The following HPSE2 variants were observed in gnomAD, a reference collection of about 807,000 sequenced individuals.
HPSE2 encodes inactive heparanase-2.
Under a neutral mutation model 60.5 loss-of-function variants are expected in HPSE2, and 38 were observed. The ratio of observed to expected loss-of-function variants is 0.63; its 90% confidence interval spans 0.48 to 0.82. HPSE2 has a LOEUF of 0.82. Ranked by LOEUF, HPSE2 falls within the 40% of genes least tolerant of loss-of-function variation. The pLI, the probability that HPSE2 is intolerant of heterozygous loss-of-function variation, is 0.00. For synonymous variants in HPSE2, 295 were observed against 293.2 expected (o/e 1.01, Z -0.06); for missense variants, 713 against 740.4 (o/e 0.96, Z 0.43).
intron 9 of HPSE2, among the ~76,000 whole-genome samples, chr10:98,579,167 C>T (rs1944722273): frequency 6.6e-6 from 1 of 152,108 alleles, no homozygotes; most frequent in African/African-American, 2.4e-5. Context: ...GCATCAGCAG[C>T]TCTGATGCAG....
intron 8 of HPSE2, among the ~76,000 whole-genome samples, chr10:98,620,028 G>A (rs1471643783): frequency 1.3e-5 from 2 of 152,162 alleles, no homozygotes; most frequent in Non-Finnish European, 2.9e-5. Flanking sequence ...ATCCGTAAAT[G>A]GGATAATAAC....
chr10:99,147,679 T>A (rs1846105504), intron 2 of HPSE2, among the ~76,000 whole-genome samples: 1 of 152,118 alleles, frequency 6.6e-6, no homozygotes, highest in Non-Finnish European at 1.5e-5. Flanking sequence ...TCAAAAATGT[T>A]TAGGGAAAAA....
chr10:98,475,148 C>G (rs559171182), intron 11 of HPSE2, among the ~76,000 whole-genome samples: 1 of 146,850 alleles, frequency 6.8e-6, no homozygotes, highest in Admixed American at 6.9e-5. Context: ...GACGGAGTCT[C>G]GCTCTGTCGC....
At chr10:98,731,331 AAAT>A (rs1258152946) in intron 4 of HPSE2, among the ~76,000 whole-genome samples, 1 of 152,256 alleles carries the variant, frequency 6.6e-6, no homozygotes. Flanking sequence ...AACTACAGAC[AAAT>A]ATTCCTCATA....
intron 4 of HPSE2, among the ~76,000 whole-genome samples, chr10:98,726,248 A>C (rs1410264026): frequency 6.6e-6 from 1 of 152,168 alleles, no homozygotes; most frequent in Non-Finnish European, 1.5e-5. Flanking sequence ...ATGTCCAACA[A>C]TGATAGAGTG....
rs1054446126 is a variant in HPSE2 at position 98,934,970 on chromosome 10, T to A, written c.611-190914A>T. Among the ~76,000 whole-genome samples the A allele has an allele frequency of 4.9e-5, 7 of 142,640 alleles. 1 individual carries two copies. Among genetic ancestry groups the A allele is most frequent in the Non-Finnish European group, 8.9e-5 (6 of 67,076 alleles). The allele number at this position is 142,640 out of a possible 152,430, so 93.6% of individuals were successfully genotyped here. On this transcript the variant is annotated intron_variant, in intron 3 of 11. Transcript: ENST00000370552. ...ACACAGTCCCATAATTCTCAAAGGT[T>A]TTGTTTGTTCCTTTTCATTGTTTAT...
intron 9 of HPSE2, among the ~76,000 whole-genome samples, chr10:98,585,779 CTG>C (rs1944922969): frequency 6.6e-6 from 1 of 151,328 alleles, no homozygotes; most frequent in Admixed American, 6.6e-5. Context: ...TGGTGAAACC[CTG>C]TCTCTACTAA....
intron 3 of HPSE2, among the ~76,000 whole-genome samples, chr10:98,910,989 C>T (rs1283842379): frequency 6.6e-6 from 1 of 151,648 alleles, no homozygotes; most frequent in African/African-American, 2.4e-5. Context: ...TGATGAAGAA[C>T]ATAAAAAATC....
At chr10:98,771,584 C>A (rs1308430856) in intron 3 of HPSE2, among the ~76,000 whole-genome samples, 6 of 152,136 alleles carry the variant, frequency 3.9e-5, no homozygotes, top group Non-Finnish European at 7.4e-5. Flanking sequence ...GACTATGTAG[C>A]CAGGAGTTAT....
the HPSE2 span, among the ~76,000 whole-genome samples, chr10:99,271,698 A>G: frequency 6.6e-6 from 1 of 152,360 alleles, no homozygotes; most frequent in South Asian, 2.1e-4. Context: ...AGCAAGGCTA[A>G]GCAAAAAGAA....
chr10:98,507,775 C>T (rs1942251574), intron 9 of HPSE2, among the ~76,000 whole-genome samples: 1 of 152,046 alleles, frequency 6.6e-6, no homozygotes, highest in South Asian at 2.1e-4. Context: ...CTCTTCTTTC[C>T]TTCCCTTCTT....
In HPSE2 at chr10:98,526,008, C is replaced by T. The variant is rs774586768; in HGVS notation, c.1321-35812G>A. On this transcript the variant is annotated intron_variant, in intron 9 of 11. Transcript: ENST00000370552. ...GCATTGTCTAAGATGTATTTCCCAA[C>T]GTTACATATACCCTCGTTACTCTGT... Among the ~76,000 whole-genome samples, 12 of 152,318 alleles carry T rather than the reference C, an allele frequency of 7.9e-5. 1 individual carries two copies. The South Asian group carries it at 8.3e-4, about 11-fold the overall frequency.
intron 9 of HPSE2, among the ~76,000 whole-genome samples, chr10:98,581,232 A>G (rs1471945216): frequency 1.3e-5 from 2 of 152,114 alleles, no homozygotes; most frequent in Admixed American, 1.3e-4. Flanking sequence ...TATTTTTTAT[A>G]TTAAAATATT....
chr10:98,467,765 G>C (rs1940603895), intron 11 of HPSE2, among the ~76,000 whole-genome samples: 1 of 152,248 alleles, frequency 6.6e-6, no homozygotes, highest in African/African-American at 2.4e-5. Flanking sequence ...CCTCCCGGAG[G>C]AACAAATCAC....
At chr10:99,172,433 C>T (rs181063014) in intron 2 of HPSE2, among the ~76,000 whole-genome samples, 7 of 152,192 alleles carry the variant, frequency 4.6e-5, no homozygotes, top group Non-Finnish European at 5.9e-5. Flanking sequence ...TCAATTCAAA[C>T]GAACACATCA....
the HPSE2 span, among the ~76,000 whole-genome samples, chr10:99,268,231 T>G: frequency 1.9e-4 from 29 of 152,316 alleles, no homozygotes; most frequent in African/African-American, 6.5e-4. Context: ...TACAGCCTGT[T>G]TCAACAAACA....
At position 98,482,840 on chromosome 10, in the gene HPSE2, T is replaced by C. The variant is rs1292938517; in HGVS notation, c.1467-58A>G. The C allele has an allele frequency of 2.6e-6, 4 of 1,566,938 alleles. No individual in the cohort carries two copies. In the African/African-American group the frequency reaches 4.1e-5, roughly 16 times the overall value. On this transcript the variant is annotated intron_variant, in intron 10 of 11. Transcript: ENST00000370552. ...GGAAACAAAGTGGTCAGTTAGATGCTTCTAAATAATTTATAGACTGTACAA... is the reference window on the plus strand; with the variant it reads ...GGAAACAAAGTGGTCAGTTAGATGCCTCTAAATAATTTATAGACTGTACAA...
intron 9 of HPSE2, among the ~76,000 whole-genome samples, chr10:98,585,966 A>T (rs970054218): frequency 1.3e-5 from 2 of 151,844 alleles, no homozygotes; most frequent in Non-Finnish European, 2.9e-5. Context: ...AAAAAAAAAA[A>T]AAAAAGTCCT....
intron 3 of HPSE2, among the ~76,000 whole-genome samples, chr10:99,101,085 G>A (rs369021115): frequency 2.8e-4 from 42 of 152,180 alleles, no homozygotes; most frequent in Middle Eastern, 3.4e-3. Flanking sequence ...ATCAACTAAC[G>A]AGCAAAATAA....
Sources: allele counts gnomAD v4.1 joint callset (sites outside exome capture counted in the v4.1 genomes callset), GRCh38; gene constraint gnomAD v4.1.1; transcripts MANE v1.5; gene names NCBI Gene and HGNC (gene_info 2026-07-23, HGNC 2026-07-21).